Variants in RBM39 observed in about 807,000 individuals in gnomAD.
RBM39 encodes RNA binding motif protein 39.
In RBM39, 12 loss-of-function variants were observed where a neutral mutation model predicts 79.6. The observed-to-expected ratio is 0.15, with a 90% CI of 0.10 to 0.24. The LOEUF (loss-of-function observed/expected upper bound fraction) is 0.24, where lower values mean the gene tolerates loss of function less well. Among genes scored for constraint, RBM39 ranks in the 10% least tolerant of loss-of-function variants. RBM39 has a pLI of 1.00. For missense variants in RBM39, 243 were observed against 653.4 expected, an observed-to-expected ratio of 0.37 and a Z score of 6.85; for synonymous variants, 185 against 208.4, an observed-to-expected ratio of 0.89 and a Z score of 0.97.
chr20:35,705,137 G>C (rs568495760), intron 15 of RBM39, 88 bp downstream of exon 15: 1 of 786,906 alleles, frequency 1.3e-6, no homozygotes, highest in Non-Finnish European at 2.1e-6. Context: ...AATGGAAGAC[G>C]GTTAACCATA....
Position 35,714,300 on chromosome 20 carries a change from A to G in RBM39, c.981T>C (p.Thr327=). ...AGRPMKVGHV[T]ERTDASSASS... ...TAGCACTCGAAGCATCAGTACGTTC[A>G]GTAACATGACCAACTTTCATTGGTC... is the stretch of plus-strand genomic sequence containing the variant. Residue 327 remains threonine, a synonymous_variant, in exon 11 of 17, where the codon ACT becomes ACC. Coordinates refer to ENST00000253363, the MANE Select transcript of RBM39 (RefSeq NM_184234.3). The G allele has an allele frequency of 6.2e-7, 1 of 1,614,172 alleles. No individual in the cohort carries two copies. Among genetic ancestry groups the G allele is most frequent in the Non-Finnish European group, 8.5e-7 (1 of 1,180,008 alleles).
chr20:35,719,240 C>G (rs1316457426), intron 9 of RBM39, among the ~76,000 whole-genome samples: 1 of 152,056 alleles, frequency 6.6e-6, no homozygotes, highest in Non-Finnish European at 1.5e-5. Flanking sequence ...CCATGCTGGC[C>G]AGACTGGTCT....
intron 9 of RBM39, among the ~76,000 whole-genome samples, chr20:35,720,235 A>G (rs1407067769): frequency 1.3e-5 from 2 of 152,216 alleles, no homozygotes; most frequent in Non-Finnish European, 2.9e-5. Flanking sequence ...ACACAGAACT[A>G]GTTGGACACT....
At position 35,713,169 on chromosome 20, in the gene RBM39, C is replaced by A. The variant is rs115820125; in HGVS notation, c.1097-73G>T. The A allele has an allele frequency of 8.9e-4, 1,136 of 1,276,104 alleles. 7 individuals carry two copies. In the African/African-American group the frequency reaches 0.016, roughly 18 times the overall value. The allele number at this position is 1,276,104 out of a possible 1,614,324, so 79.0% of individuals were successfully genotyped here. A position where few individuals can be genotyped will look rare whatever the true frequency, so the allele number is the denominator to read the frequency against. The stretch of plus-strand genomic sequence containing the variant: ...ACGAAGTTTCCTGGGTCATTAATAT[C>A]ATGATCACTTCACTAAAATAAATTG... On this transcript the variant is annotated intron_variant, in intron 11 of 16. Transcript: ENST00000253363.
chr20:35,714,457 AAT>A, intron 10 of RBM39, 68 bp from the exon 11 acceptor site: 7 of 1,457,030 alleles, frequency 4.8e-6, no homozygotes, highest in African/African-American at 1.4e-5. Flanking sequence ...TATACTTAAA[AAT>A]ATATTTATAT....
At chr20:35,712,427 C>A (rs1392235803) in intron 12 of RBM39, among the ~76,000 whole-genome samples, 1 of 95,242 alleles carries the variant, frequency 1.0e-5, no homozygotes, top group Non-Finnish European at 1.8e-5. Context: ...AGCAAGTCTA[C>A]TGTTATCCAA....
chr20:35,731,210 G>A (rs1055620911), intron 4 of RBM39: 1 of 152,120 alleles, frequency 6.6e-6, no homozygotes, highest in Non-Finnish European at 1.5e-5. Context: ...TGTTTATTAA[G>A]AGGAATTAAC....
chr20:35,705,632 T>C (rs924873866), intron 14 of RBM39, among the ~76,000 whole-genome samples: 3 of 151,750 alleles, frequency 2.0e-5, no homozygotes, highest in Admixed American at 1.3e-4. Context: ...ATCCGGTCTC[T>C]ACTGAAAATC....
chr20:35,709,583 G>A (rs2146502338), intron 12 of RBM39, among the ~76,000 whole-genome samples: 1 of 152,248 alleles, frequency 6.6e-6, no homozygotes, highest in South Asian at 2.1e-4. Flanking sequence ...ACACCGGTCA[G>A]AAAATGAGTG....
chr20:35,722,410 AAAAAT>A (rs2038060358), intron 8 of RBM39, among the ~76,000 whole-genome samples: 6 of 120,696 alleles, frequency 5.0e-5, no homozygotes, highest in African/African-American at 1.3e-4. Flanking sequence ...CAGTCTCAAA[AAAAAT>A]AAAAATAAAA....
rs899033200 is a variant in RBM39 at position 35,734,122 on chromosome 20, C to T, written c.102-1987G>A. ...TATCACAAGAGCAACTGAGGTCTGC[C>T]TCAGAGAACCTGTAAGCAGGTCATC... On this transcript the variant is annotated intron_variant, in intron 3 of 16. Coordinates refer to ENST00000253363, the MANE Select transcript of RBM39 (RefSeq NM_184234.3). The T allele has an allele frequency of 1.6e-5, 15 of 956,064 alleles. No individual in the cohort carries two copies. In the Admixed American group the frequency reaches 2.1e-4, roughly 13 times the overall value. 59.2% of individuals were successfully genotyped at this position (956,064 alleles called of 1,614,324 possible). A position where few individuals can be genotyped will look rare whatever the true frequency, so the allele number is the denominator to read the frequency against.
intron 10 of RBM39, among the ~76,000 whole-genome samples, chr20:35,716,445 A>C (rs2037140391): frequency 6.6e-6 from 1 of 152,226 alleles, no homozygotes. Flanking sequence ...CTATTATTGT[A>C]CTTCTACTAT....
intron 14 of RBM39, 49 bp from the exon 15 acceptor site, chr20:35,705,379 T>C: frequency 2.0e-6 from 2 of 1,019,394 alleles, no homozygotes; most frequent in Non-Finnish European, 2.9e-6. Flanking sequence ...ACTAACAAAC[T>C]ATATATTTAC....
chr20:35,717,746 T>A (rs547764483), intron 9 of RBM39, among the ~76,000 whole-genome samples: 2 of 152,152 alleles, frequency 1.3e-5, no homozygotes, highest in Admixed American at 1.3e-4. Flanking sequence ...TCCGAGCACT[T>A]TGGGAGGCAG....
chr20:35,707,594 C>G (rs954185242), intron 13 of RBM39: 1 of 195,398 alleles, frequency 5.1e-6, no homozygotes, highest in Non-Finnish European at 1.1e-5. Context: ...CCAAATAAAT[C>G]TATATCCTTT....
intron 12 of RBM39, among the ~76,000 whole-genome samples, chr20:35,709,760 T>C (rs1429955984): frequency 6.6e-6 from 1 of 152,164 alleles, no homozygotes; most frequent in African/African-American, 2.4e-5. Flanking sequence ...AGGAAGAACA[T>C]CACCATTGGG....
chr20:35,729,414 T>C (rs540762010), intron 5 of RBM39, 48 bp downstream of exon 5: 6 of 1,608,082 alleles, frequency 3.7e-6, no homozygotes, highest in Non-Finnish European at 8.5e-7. Context: ...TACAGCATGT[T>C]AGTTCCTTGA....
At position 35,704,597 on chromosome 20, in the gene RBM39, G is replaced by C. The variant is rs755030692; in HGVS notation, c.1493-16C>G. On this transcript the variant is annotated splice_polypyrimidine_tract_variant and intron_variant, in intron 16 of 16. Coordinates refer to ENST00000253363, the MANE Select transcript of RBM39 (RefSeq NM_184234.3). ...ATCATTTTACCTATTAAAAGAAACAGACATGTTGGGTTTAGCATCTTCATT... is the reference window on the plus strand; with the variant it reads ...ATCATTTTACCTATTAAAAGAAACACACATGTTGGGTTTAGCATCTTCATT... 1.9e-5 allele frequency: 30 copies of C among 1,610,336 alleles called. No individual in the cohort carries two copies. Among genetic ancestry groups the C allele is most frequent in the Non-Finnish European group, 2.4e-5 (28 of 1,176,816 alleles).
intron 4 of RBM39, 178 bp downstream of exon 4, chr20:35,731,759 CTTAT>C (rs954340937): frequency 1.9e-4 from 120 of 646,506 alleles, no homozygotes; most frequent in Admixed American, 1.8e-4. Context: ...CAAATTTTTA[CTTAT>C]TTGTCTATGC....
Sources: allele counts gnomAD v4.1 joint callset (sites outside exome capture counted in the v4.1 genomes callset), GRCh38; gene constraint gnomAD v4.1.1; transcripts MANE v1.5; gene names NCBI Gene and HGNC (gene_info 2026-07-23, HGNC 2026-07-21).